The following ZNF679 variants were observed in gnomAD, a reference collection of about 807,000 sequenced individuals.
ZNF679 encodes the protein zinc finger protein 679.
In ZNF679, 10 loss-of-function variants were observed where a neutral mutation model predicts 13.4. The observed-to-expected ratio is 0.75, with a 90% CI of 0.46 to 1.27. ZNF679 has a LOEUF of 1.27. Ranked by LOEUF, ZNF679 falls within the 50% of genes most tolerant of loss-of-function variation. The pLI, the probability that ZNF679 is intolerant of heterozygous loss-of-function variation, is 0.00. For missense variants in ZNF679, 525 were observed against 477.8 expected (o/e 1.10, Z -0.92); for synonymous variants, 179 against 162.5 (o/e 1.10, Z -0.77).
intron 2 of ZNF679, among the ~76,000 whole-genome samples, chr7:64,256,111 T>C (rs1188888845): frequency 6.6e-6 from 1 of 152,142 alleles, no homozygotes; most frequent in Non-Finnish European, 1.5e-5. Flanking sequence ...TCTGTTCTCT[T>C]ATTTGTGTCC....
chr7:64,245,494 G>T (rs1029477641), intron 1 of ZNF679, among the ~76,000 whole-genome samples: 1 of 151,306 alleles, frequency 6.6e-6, no homozygotes, highest in Non-Finnish European at 1.5e-5. Flanking sequence ...TTATGGTAAG[G>T]CAGGAAAGTT....
intron 2 of ZNF679, among the ~76,000 whole-genome samples, chr7:64,254,643 T>C (rs531746447): frequency 6.6e-6 from 1 of 152,254 alleles, no homozygotes; most frequent in East Asian, 1.9e-4. Context: ...TTACAGACAG[T>C]AGCTGAGAAG....
rs1787874390 is a variant in ZNF679, at chr7:64,246,627, G to A, written c.-90-2401G>A. Among the ~76,000 whole-genome samples the A allele has an allele frequency of 2.0e-5, 3 of 152,142 alleles. No homozygotes were observed. In the South Asian group the frequency reaches 6.2e-4, roughly 32 times the overall value. ...AATCCCGGCTCCTCCAGAAGCTGAG[G>A]CAGGAGAATCTCTTGAACCCGGGAG... is the stretch of plus-strand genomic sequence containing the variant. On this transcript the variant is annotated intron_variant, in intron 1 of 4. Transcript: ENST00000421025.
intron 1 of ZNF679, among the ~76,000 whole-genome samples, chr7:64,242,907 C>G (rs2116519892): frequency 6.6e-6 from 1 of 152,240 alleles, no homozygotes; most frequent in African/African-American, 2.4e-5. Context: ...AGCTATGACT[C>G]ACCACCTGAC....
intron 2 of ZNF679, among the ~76,000 whole-genome samples, chr7:64,258,490 C>T (rs188915627): frequency 6.5e-4 from 99 of 151,998 alleles, no homozygotes; most frequent in East Asian, 5.4e-3. Flanking sequence ...ATCAAAAGGT[C>T]AGGAGTTCGA....
chr7:64,247,735 A>G (rs911542152), intron 1 of ZNF679, among the ~76,000 whole-genome samples: 1 of 152,100 alleles, frequency 6.6e-6, no homozygotes, highest in African/African-American at 2.4e-5. Flanking sequence ...TATTTTTAGT[A>G]GAGATGAGGT....
chr7:64,260,406 G>A (rs1788060250), intron 3 of ZNF679, 59 bp downstream of exon 3: 1 of 1,557,144 alleles, frequency 6.4e-7, no homozygotes, highest in African/African-American at 1.4e-5. Flanking sequence ...TTTCTAAAAT[G>A]TTTTTTGGTA....
chr7:64,256,721 G>A (rs4718047), intron 2 of ZNF679, among the ~76,000 whole-genome samples: 122,667 of 145,138 alleles, frequency 0.85, 52,495 homozygotes, highest in Non-Finnish European at 0.92. Flanking sequence ...TTTTTGAGAC[G>A]GAGTTTCACT....
At chr7:64,265,633 T>G (rs1229848443) in intron 4 of ZNF679, among the ~76,000 whole-genome samples, 2 of 152,186 alleles carry the variant, frequency 1.3e-5, no homozygotes, top group African/African-American at 2.4e-5. Context: ...GTTGGGTAAA[T>G]GTATCAGACT....
chr7:64,236,152 C>T (rs1286764007), intron 1 of ZNF679, among the ~76,000 whole-genome samples: 2 of 151,834 alleles, frequency 1.3e-5, no homozygotes, highest in Non-Finnish European at 2.9e-5. Context: ...GTAATCCCAG[C>T]TACTCAGGAG....
intron 1 of ZNF679, among the ~76,000 whole-genome samples, chr7:64,242,767 GAT>G (rs1491238300): frequency 1.1e-4 from 2 of 18,718 alleles, no homozygotes; most frequent in Non-Finnish European, 2.8e-4. Context: ...AATCACCTGT[GAT>G]TTTTTTTTTT....
At chr7:64,263,023 A>G (rs1325790538) in intron 4 of ZNF679, among the ~76,000 whole-genome samples, 1 of 148,600 alleles carries the variant, frequency 6.7e-6, no homozygotes, top group African/African-American at 2.4e-5. Flanking sequence ...TTGATTTGCC[A>G]GTTTTACCTT....
At chr7:64,238,687 CACA>C (rs1787757353) in intron 1 of ZNF679, among the ~76,000 whole-genome samples, 1 of 152,140 alleles carries the variant, frequency 6.6e-6, no homozygotes, top group South Asian at 2.1e-4. Flanking sequence ...TGTGCCCAGC[CACA>C]ACACTACTTT....
intron 1 of ZNF679, among the ~76,000 whole-genome samples, chr7:64,234,780 C>G (rs1437137269): frequency 6.6e-6 from 1 of 152,140 alleles, no homozygotes. Flanking sequence ...ACTAATATAC[C>G]TCTCATGTCC....
At chr7:64,230,551 A>G (rs542186108) in intron 1 of ZNF679, among the ~76,000 whole-genome samples, 5 of 152,154 alleles carry the variant, frequency 3.3e-5, no homozygotes, top group Admixed American at 6.5e-5. Flanking sequence ...AAAAAAAAAA[A>G]AAAAAGAAAA....
At chr7:64,240,322 T>C (rs1261970028) in intron 1 of ZNF679, among the ~76,000 whole-genome samples, 2 of 152,214 alleles carry the variant, frequency 1.3e-5, no homozygotes, top group Non-Finnish European at 2.9e-5. Context: ...CACAGGTGTA[T>C]TGTGACACAT....
chr7:64,239,241 C>T (rs559319869), intron 1 of ZNF679, among the ~76,000 whole-genome samples: 2 of 152,274 alleles, frequency 1.3e-5, no homozygotes, highest in East Asian at 1.9e-4. Context: ...GACTCTCCAA[C>T]CAGGATTCAG....
At chr7:64,256,844 C>T (rs1788011334) in intron 2 of ZNF679, among the ~76,000 whole-genome samples, 1 of 151,918 alleles carries the variant, frequency 6.6e-6, no homozygotes, top group Non-Finnish European at 1.5e-5. Flanking sequence ...ATTGCAGGCA[C>T]CCGCCACCAT....
chr7:64,262,039 A>G (rs1340559020), intron 4 of ZNF679, among the ~76,000 whole-genome samples: 2 of 152,038 alleles, frequency 1.3e-5, no homozygotes, highest in African/African-American at 4.8e-5. Flanking sequence ...TATTTTTAGT[A>G]GAGATGGGGT....
Sources: allele counts gnomAD v4.1 joint callset (sites outside exome capture counted in the v4.1 genomes callset), GRCh38; gene constraint gnomAD v4.1.1; transcripts MANE v1.5; gene names NCBI Gene and HGNC (gene_info 2026-07-23, HGNC 2026-07-21).